The following TMEM260 variants were observed in gnomAD, a reference collection of about 807,000 sequenced individuals.
TMEM260 encodes transmembrane protein 260.
A neutral mutation model predicts 88.9 loss-of-function variants in TMEM260; 82 were observed. That is an observed-to-expected ratio of 0.92 (90% CI 0.77 to 1.11). The LOEUF (loss-of-function observed/expected upper bound fraction) is 1.11. Among genes scored for constraint, TMEM260 ranks in the 50% least tolerant of loss-of-function variants. TMEM260 has a pLI of 0.00. For synonymous variants in TMEM260, 314 were observed against 309.3 expected (o/e 1.02, Z -0.16); for missense variants, 902 against 853.4 (o/e 1.06, Z -0.71).
chr14:56,603,540 T>C (rs1289577770), intron 3 of TMEM260, among the ~76,000 whole-genome samples: 1 of 152,218 alleles, frequency 6.6e-6, no homozygotes, highest in Non-Finnish European at 1.5e-5. Context: ...CTTCAGGTTT[T>C]CTGAACTGGC....
rs1890047503 is a variant in TMEM260 at position 56,647,596 on chromosome 14, A to C, written c.*99A>C. 2 of 1,332,932 alleles carry C rather than the reference A, an allele frequency of 1.5e-6. No individual in the cohort carries two copies. The highest frequency in any genetic ancestry group is 2.9e-5 in the African/African-American group (2 of 67,982). The allele number at this position is 1,332,932 out of a possible 1,614,324, so 82.6% of individuals were successfully genotyped here. A position where few individuals can be genotyped will look rare whatever the true frequency, so the allele number is the denominator to read the frequency against. The stretch of plus-strand genomic sequence containing the variant: ...AAAAGAAACTGCATAAAAAATTTAA[A>C]ACTAAGTCATCTCCCAGATATAAGT... On this transcript the variant is annotated 3_prime_UTR_variant, in exon 16 of 16. Coordinates refer to ENST00000261556, the MANE Select transcript of TMEM260 (RefSeq NM_017799.4).
At chr14:56,611,739 G>GT (rs1198856953) in intron 6 of TMEM260, among the ~76,000 whole-genome samples, 1 of 152,012 alleles carries the variant, frequency 6.6e-6, no homozygotes, top group Non-Finnish European at 1.5e-5. Flanking sequence ...ACATACACAC[G>GT]TATGTTCATC....
chr14:56,647,130 G>C, intron 15 of TMEM260, 113 bp from the exon 16 acceptor site: 1 of 1,158,982 alleles, frequency 8.6e-7, no homozygotes, highest in African/African-American at 1.6e-5. Flanking sequence ...ATTTTTACTG[G>C]AGGCTGCTTG....
At chr14:56,602,176 TACAG>T (rs1380626665) in intron 3 of TMEM260, among the ~76,000 whole-genome samples, 25 of 152,272 alleles carry the variant, frequency 1.6e-4, no homozygotes, top group African/African-American at 6.0e-4. Flanking sequence ...AAGTAATTGT[TACAG>T]ACAATTAAAT....
upstream of TMEM260, chr14:56,579,682 A>G: frequency 2.5e-6 from 1 of 395,172 alleles, no homozygotes; most frequent in African/African-American, 2.1e-5. Context: ...AAGTAGGTGA[A>G]CGCCAATGCG....
chr14:56,590,317 C>G (rs531487814), intron 3 of TMEM260, among the ~76,000 whole-genome samples: 1 of 152,292 alleles, frequency 6.6e-6, no homozygotes, highest in Admixed American at 6.5e-5. Context: ...GACAGCTAGT[C>G]AGAGTTAGAA....
downstream of TMEM260, among the ~76,000 whole-genome samples, chr14:56,652,731 G>A (rs1037354627): frequency 1.3e-5 from 2 of 152,042 alleles, no homozygotes; most frequent in African/African-American, 4.8e-5. Flanking sequence ...GAGAATACTC[G>A]TACTTAGTGT....
At chr14:56,631,784 C>T (rs1888624377) in intron 12 of TMEM260, among the ~76,000 whole-genome samples, 2 of 152,182 alleles carry the variant, frequency 1.3e-5, no homozygotes, top group Admixed American at 1.3e-4. Flanking sequence ...CATTCAACTC[C>T]TGAGATCTTT....
At chr14:56,605,842 T>A (rs1886868882) in intron 5 of TMEM260, among the ~76,000 whole-genome samples, 159 bp downstream of exon 5, 2 of 152,198 alleles carry the variant, frequency 1.3e-5, no homozygotes, top group Non-Finnish European at 1.5e-5. Flanking sequence ...AAAATAGGAT[T>A]TACAAAAATT....
chr14:56,637,790 C>T (rs1374920583), intron 15 of TMEM260, among the ~76,000 whole-genome samples: 1 of 152,188 alleles, frequency 6.6e-6, no homozygotes, highest in Non-Finnish European at 1.5e-5. Context: ...TTCATTCACT[C>T]ACAAAGCATT....
At position 56,579,836 on chromosome 14, in the gene TMEM260, C is replaced by A. The variant is rs769850582; in HGVS notation, c.-79C>A. 5 of 1,204,734 alleles carry A rather than the reference C, an allele frequency of 4.2e-6. No individual in the cohort carries two copies. Among genetic ancestry groups the A allele is most frequent in the Non-Finnish European group, 4.2e-6 (4 of 963,740 alleles). The allele number at this position is 1,204,734 out of a possible 1,614,324, so 74.6% of individuals were successfully genotyped here. ...CCGTGGCCGCCGCACAAGCTGCGCT[C>A]GTCTCTCGGCTGGGGAGCTCCGTGT... On this transcript the variant is annotated 5_prime_UTR_variant, in exon 1 of 16. Transcript: ENST00000261556.
intron 10 of TMEM260, 24 bp downstream of exon 10, chr14:56,618,787 A>C (rs762502644): frequency 3.1e-6 from 5 of 1,602,864 alleles, no homozygotes; most frequent in Non-Finnish European, 4.3e-6. Flanking sequence ...ATTTTTATGA[A>C]AAGTAGCTGT....
intron 3 of TMEM260, among the ~76,000 whole-genome samples, chr14:56,593,773 C>T (rs973754672): frequency 1.4e-5 from 2 of 145,982 alleles, no homozygotes; most frequent in Admixed American, 6.9e-5. Context: ...CTGCAAGCTC[C>T]GCTTCCCGGG....
chr14:56,583,993 TG>T (rs1885315459), intron 1 of TMEM260, among the ~76,000 whole-genome samples: 2 of 10,828 alleles, frequency 1.8e-4, no homozygotes, highest in Non-Finnish European at 2.9e-4. Context: ...CAGCCTTTTG[TG>T]TGTGTGTGTG....
At chr14:56,622,011 A>T (rs538442123) in intron 11 of TMEM260, among the ~76,000 whole-genome samples, 4 of 152,242 alleles carry the variant, frequency 2.6e-5, no homozygotes, top group Admixed American at 1.3e-4. Context: ...ACAAACCATA[A>T]AAGTGTTTGT....
At chr14:56,621,195 T>TC (rs1365727942) in intron 10 of TMEM260, among the ~76,000 whole-genome samples, 3 of 152,224 alleles carry the variant, frequency 2.0e-5, no homozygotes, top group African/African-American at 7.2e-5. Context: ...TGCCTTAAAC[T>TC]CCAAGTGGAA....
At chr14:56,625,616 G>A in intron 12 of TMEM260, 86 bp downstream of exon 12, 1 of 1,070,788 alleles carries the variant, frequency 9.3e-7, no homozygotes, top group Non-Finnish European at 1.3e-6. Flanking sequence ...TCATCCAAAA[G>A]ACCAATTTTC....
intron 3 of TMEM260, among the ~76,000 whole-genome samples, chr14:56,590,464 G>A (rs1053411292): frequency 5.3e-5 from 8 of 152,214 alleles, no homozygotes; most frequent in Non-Finnish European, 8.8e-5. Flanking sequence ...CCTTTTCACA[G>A]CTGTTACCAT....
At chr14:56,654,248 G>A (rs1334811806), downstream of TMEM260, among the ~76,000 whole-genome samples, 6 of 151,960 alleles carry the variant, frequency 3.9e-5, no homozygotes, top group African/African-American at 1.5e-4. Flanking sequence ...AGGTTTTAGT[G>A]TGACAAGAAA....
Sources: gnomAD v4.1 joint callset for allele counts (sites outside exome capture counted in the v4.1 genomes callset) on GRCh38, gnomAD v4.1.1 for gene constraint, MANE v1.5 for transcripts, NCBI Gene and HGNC (gene_info 2026-07-23, HGNC 2026-07-21) for gene names.